ANO6: variants seen among roughly 807,000 people sequenced by gnomAD.
The protein encoded by ANO6 is anoctamin-6.
Under a neutral mutation model 117.5 loss-of-function variants are expected in ANO6, and 106 were observed. The observed-to-expected ratio is 0.90, with a 90% CI of 0.77 to 1.06. The LOEUF (loss-of-function observed/expected upper bound fraction) is 1.06. Ranked by LOEUF, ANO6 falls within the 50% of genes least tolerant of loss-of-function variation. The pLI, the probability that ANO6 is intolerant of heterozygous loss-of-function variation, is 0.00. For synonymous variants in ANO6, 367 were observed against 385.1 expected, an observed-to-expected ratio of 0.95 and a Z score of 0.55; for missense variants, 955 against 1,121.1, an observed-to-expected ratio of 0.85 and a Z score of 2.12.
At chr12:45,385,744 T>C (rs1433195168) in intron 10 of ANO6, among the ~76,000 whole-genome samples, 1 of 152,196 alleles carries the variant, frequency 6.6e-6, no homozygotes, top group African/African-American at 2.4e-5. Flanking sequence ...AATGTCTGGG[T>C]TGTTTCTCAG....
At chr12:45,348,490 C>T (rs898869489) in intron 5 of ANO6, 28 bp from the exon 6 acceptor site, 14 of 1,579,112 alleles carry the variant, frequency 8.9e-6, no homozygotes, top group African/African-American at 2.7e-5. Flanking sequence ...CTATATAAAC[C>T]GCATACTCTA....
intron 3 of ANO6, among the ~76,000 whole-genome samples, chr12:45,342,335 A>G (rs1941002672): frequency 6.6e-6 from 1 of 152,176 alleles, no homozygotes; most frequent in East Asian, 1.9e-4. Flanking sequence ...CAACCAAGAC[A>G]GAAATATTTT....
chr12:45,243,755 G>C lies in ANO6; in HGVS notation c.70+27364G>C, dbSNP rs1388016430. 2.0e-5 allele frequency among the ~76,000 whole-genome samples: 3 copies of C among 152,078 alleles called. No individual in the cohort carries two copies. The East Asian group carries it at 5.8e-4, about 29-fold the overall frequency. On this transcript the variant is annotated intron_variant, in intron 1 of 19. Coordinates refer to ENST00000320560, the MANE Select transcript of ANO6 (RefSeq NM_001025356.3). ...TGTAGAGATGGGGTTTTGCCATGTT[G>C]GCCCAGCTGGTTTTGAACTCCTGAC...
intron 2 of ANO6, chr12:45,313,570 C>T (rs1357149792): frequency 6.6e-6 from 1 of 151,978 alleles, no homozygotes; most frequent in East Asian, 1.9e-4. Flanking sequence ...CCTGCCATAC[C>T]CCGTATCATT....
intron 1 of ANO6, among the ~76,000 whole-genome samples, chr12:45,301,294 C>A (rs1939477700): frequency 1.3e-5 from 2 of 151,608 alleles, no homozygotes; most frequent in Admixed American, 6.6e-5. Context: ...CATTATATTT[C>A]TATCAGATTT....
At chr12:45,299,839 A>G (rs1338929103) in intron 1 of ANO6, among the ~76,000 whole-genome samples, 1 of 152,148 alleles carries the variant, frequency 6.6e-6, no homozygotes, top group Non-Finnish European at 1.5e-5. Flanking sequence ...GCAGTCAAGG[A>G]AGACTCCATC....
intron 19 of ANO6, among the ~76,000 whole-genome samples, chr12:45,426,681 G>A (rs1383791348): frequency 2.0e-5 from 3 of 151,820 alleles, no homozygotes; most frequent in Admixed American, 6.6e-5. Context: ...CTCCTCACTG[G>A]GCTCCTAGGA....
chr12:45,402,148 A>G (rs1002832237), intron 13 of ANO6, 128 bp downstream of exon 13: 8 of 757,170 alleles, frequency 1.1e-5, no homozygotes, highest in Admixed American at 7.8e-5. Context: ...AAGTGTAAAC[A>G]TATTTTCTCT....
intron 1 of ANO6, among the ~76,000 whole-genome samples, chr12:45,269,341 C>T (rs185279973): frequency 2.3e-3 from 349 of 152,256 alleles, no homozygotes; most frequent in African/African-American, 7.9e-3. Flanking sequence ...TGAGAAATAA[C>T]AGTAATGAAT....
intron 12 of ANO6, among the ~76,000 whole-genome samples, chr12:45,398,796 A>G (rs1942701033): frequency 1.3e-5 from 2 of 152,254 alleles, no homozygotes; most frequent in African/African-American, 4.8e-5. Flanking sequence ...TTAAATATGC[A>G]TACAATGCAT....
intron 8 of ANO6, among the ~76,000 whole-genome samples, chr12:45,366,932 T>C (rs1443233659): frequency 6.6e-6 from 1 of 152,204 alleles, no homozygotes; most frequent in East Asian, 1.9e-4. Flanking sequence ...TGTGTGTATT[T>C]TGTATATTGA....
At chr12:45,421,300 A>G in intron 18 of ANO6, 27 bp downstream of exon 18, 1 of 1,604,464 alleles carries the variant, frequency 6.2e-7, no homozygotes, top group African/African-American at 1.3e-5. Context: ...TTGTTTAAAA[A>G]TGCACTTCAT....
At chr12:45,225,416 G>A (rs1052490870) in intron 1 of ANO6, among the ~76,000 whole-genome samples, 1 of 151,902 alleles carries the variant, frequency 6.6e-6, no homozygotes, top group Non-Finnish European at 1.5e-5. Flanking sequence ...ATTCATCTTT[G>A]TATCTCACAG....
intron 1 of ANO6, among the ~76,000 whole-genome samples, chr12:45,278,404 G>A (rs1249051093): frequency 6.6e-6 from 1 of 152,092 alleles, no homozygotes; most frequent in Non-Finnish European, 1.5e-5. Context: ...CCATGAATAC[G>A]TCTGTTATTT....
At chr12:45,304,106 A>G (rs1939587647) in intron 2 of ANO6, among the ~76,000 whole-genome samples, 2 of 152,164 alleles carry the variant, frequency 1.3e-5, no homozygotes, top group East Asian at 1.9e-4. Flanking sequence ...TTTGTGTAAC[A>G]TGTAAATAGC....
At chr12:45,228,990 G>A (rs1446721300) in intron 1 of ANO6, among the ~76,000 whole-genome samples, 2 of 152,088 alleles carry the variant, frequency 1.3e-5, no homozygotes, top group Admixed American at 6.5e-5. Context: ...TGGGTCTGGA[G>A]GGGAGAAGGA....
intron 3 of ANO6, among the ~76,000 whole-genome samples, chr12:45,346,286 G>A (rs1423299088): frequency 6.6e-6 from 1 of 152,104 alleles, no homozygotes; most frequent in Non-Finnish European, 1.5e-5. Flanking sequence ...TTTTTAAAAG[G>A]TCAAACAAGT....
chr12:45,417,401 G>A (rs981948317), intron 17 of ANO6, among the ~76,000 whole-genome samples: 1 of 152,128 alleles, frequency 6.6e-6, no homozygotes, highest in African/African-American at 2.4e-5. Context: ...TGACTCCAGA[G>A]CAGCAGCTCT....
downstream of ANO6, among the ~76,000 whole-genome samples, chr12:45,432,590 C>CA (rs1260616780): frequency 2.0e-5 from 3 of 152,216 alleles, no homozygotes; most frequent in African/African-American, 7.2e-5. Context: ...ATCAATCTAG[C>CA]AAATTTTACC....
Sources: allele counts gnomAD v4.1 joint callset (sites outside exome capture counted in the v4.1 genomes callset), GRCh38; gene constraint gnomAD v4.1.1; transcripts MANE v1.5; gene names NCBI Gene and HGNC (gene_info 2026-07-23, HGNC 2026-07-21).